The following GPM6B variants were observed in gnomAD, a reference collection of about 807,000 sequenced individuals.
The protein encoded by GPM6B is neuronal membrane glycoprotein M6-b.
In GPM6B, 4 loss-of-function variants were observed where a neutral mutation model predicts 27.2. The observed-to-expected ratio is 0.15, with a 90% CI of 0.07 to 0.34. GPM6B has a LOEUF of 0.34. Ranked by LOEUF, GPM6B falls within the 10% of genes least tolerant of loss-of-function variation. The probability of loss-of-function intolerance (pLI) is 1.00; values close to 1 mark genes in which losing one functional copy is unlikely to be tolerated. For missense variants in GPM6B, 183 were observed against 261.9 expected (o/e 0.70, Z 2.08); for synonymous variants, 124 against 103.1 (o/e 1.20, Z -1.23).
At chrX:13,819,928 G>A (rs886371879), upstream of GPM6B, among the ~76,000 whole-genome samples, 5 of 111,485 alleles carry the variant, frequency 4.5e-5, no homozygotes, top group Admixed American at 9.5e-5. Flanking sequence ...AAAGAGGAAC[G>A]GAAAGAGTTC....
At chrX:13,868,066 G>C (rs969692993) in intron 1 of GPM6B, among the ~76,000 whole-genome samples, 1 of 111,635 alleles carries the variant, frequency 9.0e-6, no homozygotes, top group East Asian at 2.8e-4. Flanking sequence ...GCCTCTTTCT[G>C]AACTCTTAGA....
chrX:13,924,863 C>T (rs1321382319), intron 1 of GPM6B, among the ~76,000 whole-genome samples: 1 of 112,173 alleles, frequency 8.9e-6, no homozygotes, highest in African/African-American at 3.2e-5. Flanking sequence ...ATGTTACCCA[C>T]TAGCTTTGTC....
intron 1 of GPM6B, among the ~76,000 whole-genome samples, chrX:13,809,812 T>C (rs2147183739): frequency 9.3e-6 from 1 of 107,372 alleles, no homozygotes; most frequent in South Asian, 4.2e-4. Flanking sequence ...TGGCGCACAC[T>C]TGTAGTCCCA....
chrX:13,855,390 T>G (rs1193166058), intron 1 of GPM6B, among the ~76,000 whole-genome samples: 1 of 111,919 alleles, frequency 8.9e-6, no homozygotes, highest in Admixed American at 9.5e-5. Flanking sequence ...TATGGAATGT[T>G]CTCTTTTGTG....
intron 2 of GPM6B, among the ~76,000 whole-genome samples, chrX:13,795,347 A>G (rs765702177): frequency 3.6e-5 from 4 of 112,515 alleles, no homozygotes; most frequent in Non-Finnish European, 5.6e-5. Context: ...GTAGTCTTTA[A>G]GAAACCACTA....
intron 2 of GPM6B, among the ~76,000 whole-genome samples, chrX:13,793,329 A>G (rs1000163493): frequency 9.0e-6 from 1 of 111,252 alleles, no homozygotes; most frequent in Non-Finnish European, 1.9e-5. Context: ...GATTGAACCA[A>G]TGTACATCTC....
chrX:13,776,674 T>C (rs1021235534), intron 6 of GPM6B, among the ~76,000 whole-genome samples: 1 of 112,420 alleles, frequency 8.9e-6, no homozygotes, highest in African/African-American at 3.2e-5. Flanking sequence ...TGATTATTTC[T>C]GTAACTCACT....
intron 1 of GPM6B, among the ~76,000 whole-genome samples, chrX:13,843,918 C>A (rs1457525227): frequency 9.0e-6 from 1 of 111,586 alleles, no homozygotes; most frequent in Non-Finnish European, 1.9e-5. Context: ...CTGATAAAGT[C>A]CAATGTATCT....
chrX:13,774,662 G>T, intron 7 of GPM6B: 1 of 1,044,299 alleles, frequency 9.6e-7, no homozygotes, highest in Non-Finnish European at 1.3e-6. Context: ...TAAGATACAG[G>T]CAGTGAGGGC....
chrX:13,822,801 G>T (rs778504031), intron 1 of GPM6B, among the ~76,000 whole-genome samples: 8 of 111,779 alleles, frequency 7.2e-5, no homozygotes, highest in African/African-American at 2.6e-4. Context: ...TTCTTAAATA[G>T]TAGACAGAAA....
At chrX:13,851,103 C>A (rs2049711587) in intron 1 of GPM6B, among the ~76,000 whole-genome samples, 1 of 99,154 alleles carries the variant, frequency 1.0e-5, no homozygotes, top group African/African-American at 3.8e-5. Flanking sequence ...GCAGAGGCTG[C>A]AGTGAGCTGA....
At chrX:13,865,529 A>C (rs2049900069) in intron 1 of GPM6B, among the ~76,000 whole-genome samples, 2 of 82,379 alleles carry the variant, frequency 2.4e-5, no homozygotes, top group Middle Eastern at 6.0e-3. Context: ...CACACGGTAA[A>C]AATCCATCTC....
chrX:13,878,012 A>C (rs1279566461), intron 1 of GPM6B, among the ~76,000 whole-genome samples: 1 of 109,939 alleles, frequency 9.1e-6, no homozygotes, highest in East Asian at 2.8e-4. Context: ...AATATCATCC[A>C]AGATCTGCCT....
At chrX:13,808,040 G>C (rs902861840) in intron 1 of GPM6B, among the ~76,000 whole-genome samples, 1 of 112,082 alleles carries the variant, frequency 8.9e-6, no homozygotes, top group Non-Finnish European at 1.9e-5. Flanking sequence ...ATTTGGGGAA[G>C]ATACTATTTA....
At chrX:13,802,466 T>C (rs1453916207) in intron 2 of GPM6B, among the ~76,000 whole-genome samples, 1 of 111,332 alleles carries the variant, frequency 9.0e-6, no homozygotes, top group Non-Finnish European at 1.9e-5. Flanking sequence ...ACTAACAATA[T>C]AGCGCATAAA....
At chrX:13,827,271 CTTTTTTT>C (rs1173680918) in intron 1 of GPM6B, among the ~76,000 whole-genome samples, 10 of 73,643 alleles carry the variant, frequency 1.4e-4, no homozygotes, top group African/African-American at 5.7e-4. Context: ...TACCGACTTC[CTTTTTTT>C]TTTTTTTTTT....
At chrX:13,809,592 A>G (rs1603031694) in intron 1 of GPM6B, among the ~76,000 whole-genome samples, 1 of 111,062 alleles carries the variant, frequency 9.0e-6, no homozygotes, top group African/African-American at 3.3e-5. Context: ...CCTGGCCAAC[A>G]TGGTGAAACT....
chrX:13,876,234 T>C (rs1603104375), intron 1 of GPM6B, among the ~76,000 whole-genome samples: 1 of 111,591 alleles, frequency 9.0e-6, no homozygotes, highest in Non-Finnish European at 1.9e-5. Context: ...CAACAAACAA[T>C]GGCCATCCTC....
intron 1 of GPM6B, among the ~76,000 whole-genome samples, chrX:13,886,719 T>TAAAAAAAAAAAAAAAAAAAAAAAAAAA: frequency 2.8e-5 from 1 of 35,099 alleles, no homozygotes; most frequent in African/African-American, 1.9e-4. Context: ...AAGTCACTAC[T>TAAAAAAAAAAAAAAAAAAAAAAAAAAA]AAAAAAAAAA....
Sources: allele counts gnomAD v4.1 joint callset (sites outside exome capture counted in the v4.1 genomes callset), GRCh38; gene constraint gnomAD v4.1.1; transcripts MANE v1.5; gene names NCBI Gene and HGNC (gene_info 2026-07-23, HGNC 2026-07-21).